The following RYR2 variants were observed in gnomAD, a reference collection of about 807,000 sequenced individuals.
RYR2 encodes cardiac muscle ryanodine receptor-calcium release channel.
RYR2 carries 227 observed loss-of-function variants against 601.1 expected under a neutral mutation model. That is an observed-to-expected ratio of 0.38 (90% CI 0.34 to 0.42). The LOEUF (loss-of-function observed/expected upper bound fraction) is 0.42. RYR2 is among the 10% of genes least tolerant of loss of function. The pLI, the probability that RYR2 is intolerant of heterozygous loss-of-function variation, is 1.00. For synonymous variants in RYR2, 2,223 were observed against 2,175.1 expected, an observed-to-expected ratio of 1.02 and a Z score of -0.61; for missense variants, 4,646 against 6,156.5, an observed-to-expected ratio of 0.75 and a Z score of 8.21.
chr1:237,607,132 T>A (rs991689674), intron 35 of RYR2, among the ~76,000 whole-genome samples: 3 of 152,242 alleles, frequency 2.0e-5, no homozygotes, highest in African/African-American at 7.2e-5. Flanking sequence ...CACGTATGTT[T>A]ATTGTGGCAT....
In RYR2 at chr1:237,595,615, C is replaced by T; in HGVS notation, c.4554C>T (p.Leu1518=). The change falls in exon 34 of 105, where the codon CTC becomes CTT. Residue 1518 remains leucine, a synonymous_variant. Coordinates refer to ENST00000366574, the MANE Select transcript of RYR2 (RefSeq NM_001035.3). The stretch of plus-strand genomic sequence containing the variant: ...TGGTGGATGCTGCCAGCGGGCTGCT[C>T]ACATTCATTGCCAATGGCAAGGAAC... ...GCVVDAASGL[L]TFIANGKELS... is the part of the protein sequence containing the mutation. 1 of 1,613,360 alleles carries T rather than the reference C, an allele frequency of 6.2e-7. No individual in the cohort carries two copies. The highest frequency in any genetic ancestry group is 8.5e-7 in the Non-Finnish European group (1 of 1,179,642).
At chr1:237,694,305 A>AG (rs1242410537) in intron 63 of RYR2, among the ~76,000 whole-genome samples, 1 of 151,874 alleles carries the variant, frequency 6.6e-6, no homozygotes, top group Non-Finnish European at 1.5e-5. Flanking sequence ...AAAAAAAAAA[A>AG]AAAAAGAAAA....
chr1:237,611,563 T>G (rs1170028077), intron 36 of RYR2, among the ~76,000 whole-genome samples: 2 of 152,176 alleles, frequency 1.3e-5, no homozygotes, highest in Admixed American at 1.3e-4. Flanking sequence ...TGATTTTCTG[T>G]TTTTCCATAT....
intron 99 of RYR2, 125 bp downstream of exon 99, chr1:237,806,408 G>C: frequency 1.1e-6 from 1 of 890,942 alleles, no homozygotes; most frequent in Non-Finnish European, 1.7e-6. Flanking sequence ...GGGAGGGTCT[G>C]CACCTGTTCT....
chr1:237,451,343 C>T (rs872816), intron 14 of RYR2, among the ~76,000 whole-genome samples: 79,209 of 151,718 alleles, frequency 0.52, 22,072 homozygotes, highest in East Asian at 0.74. Context: ...AGGCTGAAGC[C>T]GGCACATCAC....
At chr1:237,562,161 A>G (rs1022720196) in intron 27 of RYR2, among the ~76,000 whole-genome samples, 1 of 152,208 alleles carries the variant, frequency 6.6e-6, no homozygotes, top group Admixed American at 6.5e-5. Context: ...GTATCTTTGG[A>G]GTACTGTTGT....
chr1:237,672,242 TA>T (rs1193901588), intron 58 of RYR2, among the ~76,000 whole-genome samples: 1 of 152,204 alleles, frequency 6.6e-6, no homozygotes, highest in African/African-American at 2.4e-5. Context: ...TTTGCATTCT[TA>T]GGATTTTTAA....
chr1:237,160,164 G>C (rs1675845424), intron 1 of RYR2, among the ~76,000 whole-genome samples: 1 of 152,122 alleles, frequency 6.6e-6, no homozygotes, highest in South Asian at 2.1e-4. Context: ...TTGAAGAAGG[G>C]TATCTTATAC....
At chr1:237,121,910 A>G (rs1432267808) in intron 1 of RYR2, among the ~76,000 whole-genome samples, 1 of 152,234 alleles carries the variant, frequency 6.6e-6, no homozygotes, top group Non-Finnish European at 1.5e-5. Context: ...TGTGAAATGC[A>G]GGAAAACAGA....
intron 81 of RYR2, among the ~76,000 whole-genome samples, chr1:237,757,092 A>G (rs1253507877): frequency 1.3e-5 from 2 of 152,204 alleles, no homozygotes; most frequent in South Asian, 2.1e-4. Flanking sequence ...ACATTCTGTT[A>G]TTAGGTACCC....
chr1:237,793,845 CGT>C lies in RYR2; in HGVS notation c.13783-21_13783-20del. 1 of 1,564,096 alleles carries C rather than the reference CGT, an allele frequency of 6.4e-7. No individual in the cohort carries two copies. The highest frequency in any genetic ancestry group is 8.8e-7 in the Non-Finnish European group (1 of 1,140,712). On this transcript the variant is annotated intron_variant, in intron 94 of 104. Transcript: ENST00000366574. Reference sequence around the variant, plus strand: ...GCCAGTAAATCTAAACTAATTTTAACGTATTTATTTTTCCTATGTAGGTCCCA... The same window carrying C: ...GCCAGTAAATCTAAACTAATTTTAACATTTATTTTTCCTATGTAGGTCCCA...
At chr1:237,667,216 A>G (rs1684404212) in intron 57 of RYR2, among the ~76,000 whole-genome samples, 1 of 152,218 alleles carries the variant, frequency 6.6e-6, no homozygotes, top group Non-Finnish European at 1.5e-5. Context: ...ATAGGTCAAT[A>G]TGGTGTTCAA....
chr1:237,741,750 C>T (rs895955970), intron 79 of RYR2, among the ~76,000 whole-genome samples: 8 of 151,966 alleles, frequency 5.3e-5, no homozygotes, highest in African/African-American at 1.7e-4. Context: ...TACAGGTGCC[C>T]GCCACCATGC....
intron 1 of RYR2, among the ~76,000 whole-genome samples, chr1:237,197,300 A>G (rs1472831045): frequency 6.6e-6 from 1 of 152,158 alleles, no homozygotes; most frequent in Non-Finnish European, 1.5e-5. Flanking sequence ...TAACTATGAT[A>G]TTTGCTATAG....
rs541184829 is a variant in RYR2 at position 237,493,577 on chromosome 1, C to T, written c.1961+490C>T. Among the ~76,000 whole-genome samples, 1,043 of 152,202 alleles carry T rather than the reference C, an allele frequency of 6.9e-3. 11 individuals are homozygous for T. The highest frequency in any genetic ancestry group is 0.011 in the Non-Finnish European group (762 of 68,012). ...AGGCCATTGTCCTGCCTCAGCCTCC[C>T]GAGTAGCTGGGACTACAGGTGCCCG... On this transcript the variant is annotated intron_variant, in intron 19 of 104. Transcript: ENST00000366574.
At chr1:237,526,925 T>TCTCTTCTAGGTC (rs1667648630) in intron 24 of RYR2, among the ~76,000 whole-genome samples, 1 of 152,180 alleles carries the variant, frequency 6.6e-6, no homozygotes. Context: ...TTTTCTAGGT[T>TCTCTTCTAGGTC]TTCTTCTAGG....
intron 39 of RYR2, among the ~76,000 whole-genome samples, 153 bp from the exon 40 acceptor site, chr1:237,625,508 A>G (rs1250733172): frequency 1.3e-5 from 2 of 152,316 alleles, no homozygotes; most frequent in East Asian, 3.9e-4. Flanking sequence ...AATGTTATTT[A>G]TGAGGGCTGG....
chr1:237,541,265 C>G (rs533648277), intron 25 of RYR2, among the ~76,000 whole-genome samples: 4 of 152,140 alleles, frequency 2.6e-5, no homozygotes, highest in African/African-American at 7.2e-5. Context: ...ATCCAATGAG[C>G]CTTGTAGCCA....
rs1338904467 is a variant in RYR2, at chr1:237,107,486, C to G, written c.48+64917C>G. ...AGTGAGCCGAGATCGCACCACTGCA[C>G]TCCAGCCTGGGAGACAGAGTGAGAC... On this transcript the variant is annotated intron_variant, in intron 1 of 104. Transcript: ENST00000366574. 7.3e-5 allele frequency among the ~76,000 whole-genome samples: 8 copies of G among 109,600 alleles called. No individual in the cohort carries two copies. The East Asian group carries it at 1.9e-3, about 26-fold the overall frequency. The allele number at this position is 109,600 out of a possible 152,430, so 71.9% of individuals were successfully genotyped here.
Sources: allele counts gnomAD v4.1 joint callset (sites outside exome capture counted in the v4.1 genomes callset), GRCh38; gene constraint gnomAD v4.1.1; transcripts MANE v1.5; gene names NCBI Gene and HGNC (gene_info 2026-07-23, HGNC 2026-07-21).